The following LPAR4 variants were observed in gnomAD, a reference collection of about 807,000 sequenced individuals.
The protein encoded by LPAR4 is lysophosphatidic acid receptor 4.
A neutral mutation model predicts 9.2 loss-of-function variants in LPAR4; 14 were observed. The observed-to-expected ratio is 1.51, with a 90% CI of 1.00 to 2.37. LPAR4 has a LOEUF of 2.37. LPAR4 is among the 30% of genes most tolerant of loss of function. The pLI, the probability that LPAR4 is intolerant of heterozygous loss-of-function variation, is 0.00. For missense variants in LPAR4, 251 were observed against 272.1 expected (o/e 0.92, Z 0.55); for synonymous variants, 131 against 97.9 (o/e 1.34, Z -1.99).
In LPAR4 at chrX:78,757,153, T is replaced by TA. The variant is rs951372434; in HGVS notation, c.*1178dup. 3.4e-5 allele frequency: 4 copies of TA among 117,753 alleles called. No homozygotes were observed. The highest frequency in any genetic ancestry group is 1.0e-4 in the African/African-American group (3 of 29,562). The allele number at this position is 117,753 out of a possible 1,213,427, so 9.7% of individuals were successfully genotyped here. A position where few individuals can be genotyped will look rare whatever the true frequency, so the allele number is the denominator to read the frequency against. ...CAGAGAACCCCAAGAAAAATAAAAA[T>TA]AAAAAAACCTCAACAATAATTTGTA... On this transcript the variant is annotated 3_prime_UTR_variant, in exon 5 of 5. Transcript: ENST00000614823.
At chrX:78,754,077 G>A (rs1420826895) in intron 4 of LPAR4, among the ~76,000 whole-genome samples, 1 of 111,936 alleles carries the variant, frequency 8.9e-6, no homozygotes, top group Non-Finnish European at 1.9e-5. Flanking sequence ...AAACTGAAGT[G>A]AGGGGATGGA....
At position 78,747,849 on chromosome X, in the gene LPAR4, C is replaced by A. The variant is rs1924899057; in HGVS notation, c.-480C>A. ...ATGAGCGGTTTGCAGTAAAAAGCTG[C>A]GGCAGCCCAGAGTCTGCTACTTTAG... On this transcript the variant is annotated 5_prime_UTR_variant, in exon 1 of 5. Transcript: ENST00000614823. 1.1e-5 allele frequency: 1 copy of A among 92,152 alleles called. No individual in the cohort carries two copies. Among genetic ancestry groups the A allele is most frequent in the Non-Finnish European group, 2.1e-5 (1 of 48,401 alleles). The allele number at this position is 92,152 out of a possible 1,213,427, so 7.6% of individuals were successfully genotyped here. A position where few individuals can be genotyped will look rare whatever the true frequency, so the allele number is the denominator to read the frequency against.
In LPAR4 at chrX:78,754,856, T is replaced by C; in HGVS notation, c.-14T>C. 1 of 1,174,472 alleles carries C rather than the reference T, an allele frequency of 8.5e-7. No homozygotes were observed. The highest frequency in any genetic ancestry group is 1.1e-6 in the Non-Finnish European group (1 of 877,189). On this transcript the variant is annotated 5_prime_UTR_variant, in exon 5 of 5. Coordinates refer to ENST00000614823, the MANE Select transcript of LPAR4 (RefSeq NM_001278000.3). ...GAACCCCTGCAGCCAGCAGGCCTCC[T>C]GAAAAAAAAGTCCATGGGTGACAGA...
chrX:78,755,682 G>A lies in LPAR4; in HGVS notation c.813G>A (p.Leu271=), dbSNP rs777994427. 8.3e-7 allele frequency: 1 copy of A among 1,209,717 alleles called. No individual in the cohort carries two copies. The highest frequency in any genetic ancestry group is 2.2e-5 in the Admixed American group (1 of 45,861). The change falls in exon 5 of 5, where the codon TTG becomes TTA. Residue 271 remains leucine (L), a synonymous_variant. Coordinates refer to ENST00000614823, the MANE Select transcript of LPAR4 (RefSeq NM_001278000.3). ...CFVPYNSVLF[L]YALVRSQAIT... is the part of the protein sequence containing the mutation. The stretch of plus-strand genomic sequence containing the variant: ...TACCCTACAACTCTGTCCTCTTCTT[G>A]TATGCCCTGGTGCGCTCCCAAGCTA...
At position 78,756,156 on chromosome X, in the gene LPAR4, T is replaced by A; in HGVS notation, c.*174T>A. ...TGCTGTTTTGTTCAGTAATTATAGG[T>A]CAAATCTAATTACAACAACCAAGAT... is the stretch of plus-strand genomic sequence containing the variant. On this transcript the variant is annotated 3_prime_UTR_variant, in exon 5 of 5. Transcript: ENST00000614823. 9.2e-6 allele frequency: 4 copies of A among 436,316 alleles called. No homozygotes were observed. Among genetic ancestry groups the A allele is most frequent in the Non-Finnish European group, 1.6e-5 (4 of 251,433 alleles). The allele number at this position is 436,316 out of a possible 1,213,427, so 36.0% of individuals were successfully genotyped here. A position where few individuals can be genotyped will look rare whatever the true frequency, so the allele number is the denominator to read the frequency against.
chrX:78,749,074 A>G (rs1310957500), intron 1 of LPAR4: 1 of 111,662 alleles, frequency 9.0e-6, no homozygotes, highest in African/African-American at 3.3e-5. Flanking sequence ...GCCTTATTGG[A>G]ACAATCAGGC....
chrX:78,748,935 G>T (rs1924945968), intron 1 of LPAR4: 1 of 111,664 alleles, frequency 9.0e-6, no homozygotes, highest in Non-Finnish European at 1.9e-5. Flanking sequence ...CATCAACATA[G>T]ATTATAAAAC....
At chrX:78,749,634 A>C (rs1345105645) in intron 1 of LPAR4, among the ~76,000 whole-genome samples, 1 of 111,453 alleles carries the variant, frequency 9.0e-6, no homozygotes, top group Non-Finnish European at 1.9e-5. Flanking sequence ...GGAATTTGGA[A>C]GACTTTAGGA....
chrX:78,755,756 C>T lies in LPAR4; in HGVS notation c.887C>T (p.Thr296Ile). ...TTTGCAAAGATCATGTACCCAATCA[C>T]CTTGTGCCTTGCAACTCTGAACTGT... ...ERFAKIMYPI[T>I]LCLATLNCCF... Residue 296 changes from threonine (T) to isoleucine (I), a missense_variant, in exon 5 of 5, where the codon ACC (threonine) becomes ATC (isoleucine). Physicochemically the swap from Thr to Ile is moderately conservative, Grantham distance 89. Coordinates refer to ENST00000614823, the MANE Select transcript of LPAR4 (RefSeq NM_001278000.3). The T allele has an allele frequency of 8.3e-7, 1 of 1,209,912 alleles. No individual in the cohort carries two copies. Among genetic ancestry groups the T allele is most frequent in the South Asian group, 1.8e-5 (1 of 56,933 alleles).
intron 1 of LPAR4, among the ~76,000 whole-genome samples, 154 bp downstream of exon 1, chrX:78,748,188 T>TA (rs1213860236): frequency 8.9e-6 from 1 of 111,910 alleles, no homozygotes; most frequent in Non-Finnish European, 1.9e-5. Context: ...TGATGAATGG[T>TA]AAAAAACGAG....
chrX:78,752,895 G>T (rs1396739006), intron 4 of LPAR4, among the ~76,000 whole-genome samples: 1 of 111,401 alleles, frequency 9.0e-6, no homozygotes, highest in Non-Finnish European at 1.9e-5. Context: ...GAGCCTTAAG[G>T]ACCCCAAATA....
At chrX:78,748,496 C>T (rs891151056) in intron 1 of LPAR4, among the ~76,000 whole-genome samples, 1 of 111,616 alleles carries the variant, frequency 9.0e-6, no homozygotes, top group African/African-American at 3.3e-5. Context: ...TGAACTTGCC[C>T]ATAAAGGAAG....
rs1472791894 is a variant in LPAR4, at chrX:78,757,992, CTT to C, written c.*2011_*2012del. Among the ~76,000 whole-genome samples, 1 of 111,575 alleles carries C rather than the reference CTT, an allele frequency of 9.0e-6. No individual in the cohort carries two copies. The highest frequency in any genetic ancestry group is 1.9e-5 in the Non-Finnish European group (1 of 52,954). On this transcript the variant is annotated 3_prime_UTR_variant, in exon 5 of 5. Coordinates refer to ENST00000614823, the MANE Select transcript of LPAR4 (RefSeq NM_001278000.3). ...GTTTTTCTTTCTGATGATATGCAGA[CTT>C]AAAAATACTGAGACTTTTAAGTAAA...
Position 78,755,867 on chromosome X carries a change from T to C in LPAR4, c.998T>C (p.Leu333Pro). Residue 333 changes from leucine (L) to proline (P), a missense_variant, in exon 5 of 5, where the codon CTG (leucine) becomes CCG (proline). Coordinates refer to ENST00000614823, the MANE Select transcript of LPAR4 (RefSeq NM_001278000.3). Reference protein sequence around the residue: ...YINAHIRMESLFKTETPLTTK... With the variant: ...YINAHIRMESPFKTETPLTTK... ...AATGCCCACATCAGAATGGAGTCCC[T>C]GTTTAAGACTGAAACACCTTTGACC... 1 of 1,210,114 alleles carries C rather than the reference T, an allele frequency of 8.3e-7. No homozygotes were observed. The highest frequency in any genetic ancestry group is 1.1e-6 in the Non-Finnish European group (1 of 894,103).
In LPAR4 at chrX:78,756,276, T is replaced by G; in HGVS notation, c.*294T>G. On this transcript the variant is annotated 3_prime_UTR_variant, in exon 5 of 5. Transcript: ENST00000614823. ...GATAATATAGAGATGACTTTGAAAC[T>G]TTCAAAAAGGTATTTCTATTCCAAT... 1 of 227,825 alleles carries G rather than the reference T, an allele frequency of 4.4e-6. No individual in the cohort carries two copies. Among genetic ancestry groups the G allele is most frequent in the Non-Finnish European group, 8.3e-6 (1 of 120,187 alleles). 18.8% of individuals were successfully genotyped at this position (227,825 alleles called of 1,213,427 possible). A position where few individuals can be genotyped will look rare whatever the true frequency, so the allele number is the denominator to read the frequency against.
chrX:78,757,257 C>T lies in LPAR4; in HGVS notation c.*1275C>T, dbSNP rs1009345594. Reference sequence around the variant, plus strand: ...TTGCATAACATTTTGAAGCACAACGCAGCTACCAAGTGGCTAAATTCGTCT... The same window carrying T: ...TTGCATAACATTTTGAAGCACAACGTAGCTACCAAGTGGCTAAATTCGTCT... On this transcript the variant is annotated 3_prime_UTR_variant, in exon 5 of 5. Transcript: ENST00000614823. Among the ~76,000 whole-genome samples the T allele has an allele frequency of 1.8e-5, 2 of 111,579 alleles. No homozygotes were observed. Among genetic ancestry groups the T allele is most frequent in the African/African-American group, 6.5e-5 (2 of 30,812 alleles).
At chrX:78,751,981 C>T (rs1925082948) in intron 4 of LPAR4, among the ~76,000 whole-genome samples, 1 of 109,861 alleles carries the variant, frequency 9.1e-6, no homozygotes, top group African/African-American at 3.3e-5. Context: ...TAATAAGAGA[C>T]TGAAGTATTT....
rs373161028 is a variant in LPAR4, at chrX:78,754,867, T to C, written c.-3T>C. On this transcript the variant is annotated 5_prime_UTR_variant, in exon 5 of 5. Coordinates refer to ENST00000614823, the MANE Select transcript of LPAR4 (RefSeq NM_001278000.3). The stretch of plus-strand genomic sequence containing the variant: ...GCCAGCAGGCCTCCTGAAAAAAAAG[T>C]CCATGGGTGACAGAAGATTCATTGA... 7.6e-6 allele frequency: 9 copies of C among 1,184,887 alleles called. No homozygotes were observed. Among genetic ancestry groups the C allele is most frequent in the Non-Finnish European group, 1.0e-5 (9 of 882,388 alleles).
Position 78,755,825 on chromosome X carries a change from A to G in LPAR4, c.956A>G (p.Gln319Arg). 8.3e-7 allele frequency: 1 copy of G among 1,210,806 alleles called. No individual in the cohort carries two copies. Among genetic ancestry groups the G allele is most frequent in the Non-Finnish European group, 1.1e-6 (1 of 894,723 alleles). The change falls in exon 5 of 5, where the codon CAG becomes CGG. Residue 319 changes from glutamine to arginine, a missense_variant. Gln to Arg is a conservative substitution (Grantham distance 43, BLOSUM62 1). Transcript: ENST00000614823. The stretch of plus-strand genomic sequence containing the variant: ...TATTACTTCACCCTTGAATCCTTTC[A>G]GAAGTCCTTCTACATCAATGCCCAC... The part of the protein sequence containing the change: ...FIYYFTLESF[Q>R]KSFYINAHIR...
Sources: allele counts gnomAD v4.1 joint callset (sites outside exome capture counted in the v4.1 genomes callset), GRCh38; gene constraint gnomAD v4.1.1; transcripts MANE v1.5; gene names NCBI Gene and HGNC (gene_info 2026-07-23, HGNC 2026-07-21).